CCBE1: variants seen among roughly 807,000 people sequenced by gnomAD.
CCBE1 encodes the protein collagen and calcium-binding EGF domain-containing protein 1.
CCBE1 carries 37 observed loss-of-function variants against 50.0 expected under a neutral mutation model. That is an observed-to-expected ratio of 0.74 (90% CI 0.57 to 0.97). The LOEUF (loss-of-function observed/expected upper bound fraction) is 0.97, where lower values mean the gene tolerates loss of function less well. CCBE1 is among the 50% of genes least tolerant of loss of function. CCBE1 has a pLI of 0.00. For synonymous variants in CCBE1, 234 were observed against 203.7 expected, an observed-to-expected ratio of 1.15 and a Z score of -1.27; for missense variants, 538 against 523.8, an observed-to-expected ratio of 1.03 and a Z score of -0.26.
intron 2 of CCBE1, among the ~76,000 whole-genome samples, chr18:59,515,177 C>T (rs1321449734): frequency 6.6e-6 from 1 of 152,168 alleles, no homozygotes; most frequent in African/African-American, 2.4e-5. Flanking sequence ...AAAATGTACA[C>T]GGTTGCAACC....
chr18:59,531,440 CA>C (rs1025076853), intron 2 of CCBE1, among the ~76,000 whole-genome samples: 1 of 151,604 alleles, frequency 6.6e-6, no homozygotes, highest in African/African-American at 2.4e-5. Flanking sequence ...AGAGAGGAGC[CA>C]AAAAAAATTT....
intron 2 of CCBE1, among the ~76,000 whole-genome samples, chr18:59,667,654 C>T (rs73961288): frequency 0.012 from 1,814 of 152,300 alleles, 31 homozygotes; most frequent in African/African-American, 0.042. Context: ...CAGCCTCTCT[C>T]CCCTCATCCC....
Position 59,697,265 on chromosome 18 carries a change from G to GAGC in CCBE1, c.75_77dup (p.Leu27dup), listed in dbSNP as rs1568279160. 2 of 1,549,314 alleles carry GAGC rather than the reference G, an allele frequency of 1.3e-6. No individual in the cohort carries two copies. The highest frequency in any genetic ancestry group is 4.9e-5 in the East Asian group (2 of 40,904). On this transcript the variant is annotated inframe_insertion, in exon 1 of 11. Transcript: ENST00000439986. The stretch of plus-strand genomic sequence containing the variant: ...AGGTCCACGTGTGTCCCAACGCCAG[G>GAGC]AGCAGCAGCAGCGGACCCAGGCTCC...
chr18:59,613,134 A>T (rs1025059073), intron 2 of CCBE1, among the ~76,000 whole-genome samples: 1 of 151,758 alleles, frequency 6.6e-6, no homozygotes, highest in Non-Finnish European at 1.5e-5. Context: ...CTGGATTAAA[A>T]ATAGGAGCAT....
At chr18:59,614,548 G>T (rs1399553990) in intron 2 of CCBE1, among the ~76,000 whole-genome samples, 3 of 152,202 alleles carry the variant, frequency 2.0e-5, no homozygotes, top group Non-Finnish European at 1.5e-5. Flanking sequence ...AGGATCAGGA[G>T]CAGCAGACGG....
intron 2 of CCBE1, among the ~76,000 whole-genome samples, chr18:59,655,085 CAA>C (rs10646215): frequency 4.1e-5 from 5 of 122,696 alleles, no homozygotes; most frequent in Non-Finnish European, 5.0e-5. Flanking sequence ...GAGACTATGT[CAA>C]AAAAAAAAAA....
chr18:59,624,545 T>C (rs1216877374), intron 2 of CCBE1, among the ~76,000 whole-genome samples: 1 of 152,238 alleles, frequency 6.6e-6, no homozygotes, highest in East Asian at 1.9e-4. Flanking sequence ...TTAGGCTTCC[T>C]GCCACTGAGG....
At chr18:59,554,414 TAC>T (rs1171523205) in intron 2 of CCBE1, among the ~76,000 whole-genome samples, 1 of 152,256 alleles carries the variant, frequency 6.6e-6, no homozygotes, top group African/African-American at 2.4e-5. Flanking sequence ...CATCCCATGT[TAC>T]ACACAGTCTT....
chr18:59,557,059 C>A (rs574642986), intron 2 of CCBE1, among the ~76,000 whole-genome samples: 1 of 152,286 alleles, frequency 6.6e-6, no homozygotes, highest in African/African-American at 2.4e-5. Flanking sequence ...CCAGGTGCAG[C>A]TCACAGGCCA....
intron 2 of CCBE1, among the ~76,000 whole-genome samples, chr18:59,568,912 C>A (rs1372484355): frequency 6.6e-6 from 1 of 152,216 alleles, no homozygotes; most frequent in East Asian, 1.9e-4. Context: ...CCAGGGACAT[C>A]TTGCCAACTA....
chr18:59,507,082 A>T (rs540220344), intron 2 of CCBE1, among the ~76,000 whole-genome samples: 39 of 152,150 alleles, frequency 2.6e-4, no homozygotes, highest in Admixed American at 2.4e-3. Flanking sequence ...CCCAAGTCCC[A>T]TTTTCCAATG....
At chr18:59,662,703 G>A (rs943954641) in intron 2 of CCBE1, among the ~76,000 whole-genome samples, 3 of 152,254 alleles carry the variant, frequency 2.0e-5, no homozygotes, top group Non-Finnish European at 4.4e-5. Flanking sequence ...GCAGGCAGGA[G>A]TTAGCCAGGT....
intron 2 of CCBE1, among the ~76,000 whole-genome samples, chr18:59,570,450 C>T (rs1289951846): frequency 6.6e-6 from 1 of 152,198 alleles, no homozygotes; most frequent in African/African-American, 2.4e-5. Flanking sequence ...GGGCATCAAT[C>T]ATGTCTAAGG....
At chr18:59,536,403 A>G (rs1334354484) in intron 2 of CCBE1, among the ~76,000 whole-genome samples, 8 of 152,096 alleles carry the variant, frequency 5.3e-5, no homozygotes, top group Non-Finnish European at 8.8e-5. Context: ...CTCTTCCTTC[A>G]ATGACTCACT....
intron 2 of CCBE1, among the ~76,000 whole-genome samples, chr18:59,577,754 G>T (rs908733978): frequency 6.6e-6 from 1 of 152,184 alleles, no homozygotes; most frequent in South Asian, 2.1e-4. Flanking sequence ...CAATAACATG[G>T]ATTGACCAAA....
intron 2 of CCBE1, among the ~76,000 whole-genome samples, chr18:59,534,617 G>C (rs1915177916): frequency 6.6e-6 from 1 of 152,186 alleles, no homozygotes; most frequent in Admixed American, 6.5e-5. Context: ...AAATGCAAAA[G>C]TTTTGGCTCC....
Position 59,590,992 on chromosome 18 carries a change from C to T in CCBE1, c.212+105637G>A, listed in dbSNP as rs1406262329. 1.9e-4 allele frequency among the ~76,000 whole-genome samples: 6 copies of T among 32,278 alleles called. 2 individuals are homozygous for T. Among genetic ancestry groups the T allele is most frequent in the African/African-American group, 8.6e-4 (2 of 2,336 alleles). The allele number at this position is 32,278 out of a possible 152,430, so 21.2% of individuals were successfully genotyped here. A position where few individuals can be genotyped will look rare whatever the true frequency, so the allele number is the denominator to read the frequency against. On this transcript the variant is annotated intron_variant, in intron 2 of 10. Coordinates refer to ENST00000439986, the MANE Select transcript of CCBE1 (RefSeq NM_133459.4). ...GGGCGCGGTGGCTCACGCTTGTAAT[C>T]CCAGCACTTTGGGAGGCCGAGGCGG... is the stretch of plus-strand genomic sequence containing the variant.
intron 2 of CCBE1, among the ~76,000 whole-genome samples, chr18:59,648,367 A>G (rs1195028646): frequency 6.6e-6 from 1 of 152,218 alleles, no homozygotes; most frequent in Non-Finnish European, 1.5e-5. Context: ...CCTGTGACAG[A>G]CTAACCTCAG....
chr18:59,439,958 C>A, intron 7 of CCBE1, 142 bp from the exon 8 acceptor site: 1 of 867,780 alleles, frequency 1.2e-6, no homozygotes, highest in Non-Finnish European at 1.7e-6. Flanking sequence ...CAGGCTGTCC[C>A]ACAGGCATTT....
Sources: gnomAD v4.1 joint callset for allele counts (sites outside exome capture counted in the v4.1 genomes callset) on GRCh38, gnomAD v4.1.1 for gene constraint, MANE v1.5 for transcripts, NCBI Gene and HGNC (gene_info 2026-07-23, HGNC 2026-07-21) for gene names.